JMY: variants seen among roughly 807,000 people sequenced by gnomAD.
JMY encodes junction mediating and regulatory protein, p53 cofactor.
Under a neutral mutation model 103.3 loss-of-function variants are expected in JMY, and 46 were observed. The observed-to-expected ratio is 0.45, with a 90% CI of 0.35 to 0.57. JMY has a LOEUF of 0.57. Among genes scored for constraint, JMY ranks in the 20% least tolerant of loss-of-function variants. JMY has a pLI of 0.00. For synonymous variants in JMY, 526 were observed against 489.3 expected, an observed-to-expected ratio of 1.07 and a Z score of -0.99; for missense variants, 1,238 against 1,255.2, an observed-to-expected ratio of 0.99 and a Z score of 0.21.
At position 79,300,673 on chromosome 5, in the gene JMY, C is replaced by T; in HGVS notation, c.1694-3C>T. On this transcript the variant is annotated splice_region_variant and splice_polypyrimidine_tract_variant and intron_variant, in intron 5 of 10. Transcript: ENST00000396137. ...ACTACTCTTTTTTGCTGTTCTGTAACAGAAAAAAGAGATGAAGTGGTATAC... is the reference window on the plus strand; with the variant it reads ...ACTACTCTTTTTTGCTGTTCTGTAATAGAAAAAAGAGATGAAGTGGTATAC... The T allele has an allele frequency of 6.3e-7, 1 of 1,585,818 alleles. No homozygotes were observed. Among genetic ancestry groups the T allele is most frequent in the Non-Finnish European group, 8.5e-7 (1 of 1,171,544 alleles).
rs111242887 is a variant in JMY at position 79,310,436 on chromosome 5, A to C, written c.1969-1967A>C. 7.5e-3 allele frequency among the ~76,000 whole-genome samples: 1,142 copies of C among 152,302 alleles called. 15 individuals carry two copies. Among genetic ancestry groups the C allele is most frequent in the African/African-American group, 0.026 (1,086 of 41,570 alleles). On this transcript the variant is annotated intron_variant, in intron 7 of 10. Coordinates refer to ENST00000396137, the MANE Select transcript of JMY (RefSeq NM_152405.5). ...AATTTTGCCTAATATCTTGGTTGGA[A>C]TATATAATTGTCAGAGAATGAATCC...
intron 1 of JMY, among the ~76,000 whole-genome samples, chr5:79,247,888 T>G (rs1300731863): frequency 6.6e-6 from 1 of 150,380 alleles, no homozygotes; most frequent in Non-Finnish European, 1.5e-5. Context: ...TATTTTATAT[T>G]TTATTTTATT....
In JMY at chr5:79,237,368, G is replaced by T; in HGVS notation, c.718G>T (p.Ala240Ser). The change falls in exon 1 of 11, where the codon GCC (alanine) becomes TCC (serine). Residue 240 changes from alanine (A) to serine (S), a missense_variant. Physicochemically the swap from Ala to Ser is moderately conservative, Grantham distance 99. Coordinates refer to ENST00000396137, the MANE Select transcript of JMY (RefSeq NM_152405.5). ...ACTGTTTTCTTTCCAGGACCTGCGC[G>T]CCGTGCACCAGCAGCTGTGCTCGGT... ...AGLFSFQDLR[A>S]VHQQLCSVNS... The T allele has an allele frequency of 3.7e-6, 6 of 1,612,852 alleles. No individual in the cohort carries two copies. The highest frequency in any genetic ancestry group is 4.2e-6 in the Non-Finnish European group (5 of 1,179,736).
intron 10 of JMY, among the ~76,000 whole-genome samples, chr5:79,317,437 C>T (rs1475568982): frequency 6.6e-6 from 1 of 151,296 alleles, no homozygotes; most frequent in African/African-American, 2.4e-5. Flanking sequence ...ACAGATTACA[C>T]CAAATATATA....
chr5:79,315,928 T>C, intron 9 of JMY, 72 bp from the exon 10 acceptor site: 1 of 1,329,818 alleles, frequency 7.5e-7, no homozygotes, highest in Non-Finnish European at 1.1e-6. Flanking sequence ...TTGCGAACGG[T>C]AGAGGTTATA....
chr5:79,290,295 CT>C (rs1561306452), intron 3 of JMY, 24 bp downstream of exon 3: 11 of 1,437,740 alleles, frequency 7.7e-6, no homozygotes, highest in Middle Eastern at 1.9e-4. Context: ...TAAATTTATC[CT>C]TTAGGTATTT....
intron 1 of JMY, among the ~76,000 whole-genome samples, chr5:79,258,014 C>T (rs574891368): frequency 1.4e-4 from 22 of 152,256 alleles, no homozygotes; most frequent in Admixed American, 1.4e-3. Context: ...CCGCCTGCCT[C>T]AGACTCCCAA....
At chr5:79,260,638 A>C (rs1580337315) in intron 1 of JMY, among the ~76,000 whole-genome samples, 1 of 146,612 alleles carries the variant, frequency 6.8e-6, no homozygotes, top group Non-Finnish European at 1.5e-5. Context: ...TGATCCACCC[A>C]CCTTGGCCTC....
chr5:79,250,603 A>G (rs1251145467), intron 1 of JMY, among the ~76,000 whole-genome samples: 2 of 151,328 alleles, frequency 1.3e-5, no homozygotes, highest in Non-Finnish European at 3.0e-5. Context: ...TTGTTTATTT[A>G]ATAAATAGAT....
intron 1 of JMY, among the ~76,000 whole-genome samples, chr5:79,238,055 C>T (rs1480695777): frequency 1.3e-5 from 2 of 152,292 alleles, no homozygotes; most frequent in African/African-American, 2.4e-5. Context: ...GTCAACTCTT[C>T]TTTGTCCTTG....
chr5:79,248,146 C>T (rs1217713194), intron 1 of JMY, among the ~76,000 whole-genome samples: 1 of 152,070 alleles, frequency 6.6e-6, no homozygotes, highest in Admixed American at 6.6e-5. Context: ...CCACCTCGGC[C>T]TCCCAAAGTG....
chr5:79,322,455 GAATCAAA>G lies in JMY; in HGVS notation c.*860_*866del, dbSNP rs1404058597. 1 of 152,092 alleles carries G rather than the reference GAATCAAA, an allele frequency of 6.6e-6. No individual in the cohort carries two copies. Among genetic ancestry groups the G allele is most frequent in the African/African-American group, 2.4e-5 (1 of 41,416 alleles). 9.4% of individuals were successfully genotyped at this position (152,092 alleles called of 1,614,324 possible). ...ATGACTGACATGACTTTCCTATTGA[GAATCAAA>G]AATCAAGATTCAATCATAGGGATGC... On this transcript the variant is annotated 3_prime_UTR_variant, in exon 11 of 11. Transcript: ENST00000396137.
intron 4 of JMY, among the ~76,000 whole-genome samples, chr5:79,298,461 C>T (rs972665429): frequency 1.3e-5 from 2 of 152,146 alleles, no homozygotes. Flanking sequence ...GGCGAGTCCA[C>T]GAGTCTCAAG....
intron 1 of JMY, among the ~76,000 whole-genome samples, chr5:79,260,741 T>TC (rs1038282873): frequency 1.3e-4 from 20 of 149,840 alleles, no homozygotes; most frequent in Admixed American, 4.7e-4. Context: ...TCTTTTTTTT[T>TC]CTCAGATTTT....
chr5:79,290,995 A>G, intron 3 of JMY, 135 bp from the exon 4 acceptor site: 2 of 601,594 alleles, frequency 3.3e-6, no homozygotes, highest in Non-Finnish European at 5.2e-6. Context: ...ATAAAAGAAA[A>G]AAAGAAAAAA....
At chr5:79,247,043 G>A (rs1396006096) in intron 1 of JMY, among the ~76,000 whole-genome samples, 6 of 152,128 alleles carry the variant, frequency 3.9e-5, no homozygotes, top group Non-Finnish European at 8.8e-5. Context: ...CGTATCTATT[G>A]TATGAAAGAA....
intron 4 of JMY, among the ~76,000 whole-genome samples, chr5:79,296,811 G>A (rs1746576066): frequency 6.6e-6 from 1 of 152,122 alleles, no homozygotes; most frequent in African/African-American, 2.4e-5. Context: ...AGCACAGTAG[G>A]GTAAAAGGCA....
At chr5:79,258,146 A>G (rs1745303638) in intron 1 of JMY, among the ~76,000 whole-genome samples, 1 of 152,192 alleles carries the variant, frequency 6.6e-6, no homozygotes, top group African/African-American at 2.4e-5. Context: ...GGGGTAGAAC[A>G]CAGTCAAATT....
At chr5:79,303,560 T>C (rs1176347672) in intron 6 of JMY, among the ~76,000 whole-genome samples, 1 of 152,218 alleles carries the variant, frequency 6.6e-6, no homozygotes, top group Admixed American at 6.5e-5. Flanking sequence ...TATGAAAGAC[T>C]GAGCTGCTGT....
Sources: allele counts gnomAD v4.1 joint callset (sites outside exome capture counted in the v4.1 genomes callset), GRCh38; gene constraint gnomAD v4.1.1; transcripts MANE v1.5; gene names NCBI Gene and HGNC (gene_info 2026-07-23, HGNC 2026-07-21).